Variants in NRXN1 observed in about 807,000 individuals in gnomAD.
NRXN1 encodes neurexin 1.
In NRXN1, 39 loss-of-function variants were observed where a neutral mutation model predicts 150.9. That is an observed-to-expected ratio of 0.26 (90% confidence interval 0.20 to 0.34). The LOEUF is 0.34. Ranked by LOEUF, NRXN1 falls within the 10% of genes least tolerant of loss-of-function variation. The probability of loss-of-function intolerance (pLI) is 1.00; values close to 1 mark genes in which losing one functional copy is unlikely to be tolerated. For missense variants in NRXN1, 1,815 were observed against 1,949.9 expected, an observed-to-expected ratio of 0.93 and a Z score of 1.30; for synonymous variants, 924 against 757.0, an observed-to-expected ratio of 1.22 and a Z score of -3.62.
chr2:50,903,581 C>G (rs1683249411), intron 5 of NRXN1, among the ~76,000 whole-genome samples: 1 of 152,058 alleles, frequency 6.6e-6, no homozygotes, highest in Admixed American at 6.6e-5. Flanking sequence ...CACAACATAC[C>G]TTATGGGCCT....
Position 50,553,005 on chromosome 2 carries a change from A to C in NRXN1, c.1341T>G (p.Asp447Glu), listed in dbSNP as rs762819336. The part of the protein sequence containing the change: ...CLKEVVYKNN[D>E]VRLELSRLAK... ...CAAGTCGAGATAATTCCAGCCTCAC[A>C]TCATTATTTTTATATACAACCTGTG... The change falls in exon 9 of 23, where the codon GAT becomes GAG. Residue 447 changes from aspartate to glutamate, a missense_variant. By Grantham distance (45) the Asp-to-Glu change is conservative. Transcript: ENST00000401669. 1 of 1,609,582 alleles carries C rather than the reference A, an allele frequency of 6.2e-7. No individual in the cohort carries two copies. Among genetic ancestry groups the C allele is most frequent in the Non-Finnish European group, 8.5e-7 (1 of 1,177,782 alleles).
At chr2:51,008,610 G>T (rs79016091) in intron 2 of NRXN1, among the ~76,000 whole-genome samples, 3 of 151,578 alleles carry the variant, frequency 2.0e-5, no homozygotes, top group Non-Finnish European at 4.4e-5. Flanking sequence ...TCTTGAAAAC[G>T]TATTTATTAA....
chr2:50,265,918 C>G (rs1203508174), intron 17 of NRXN1, among the ~76,000 whole-genome samples: 3 of 151,338 alleles, frequency 2.0e-5, no homozygotes, highest in African/African-American at 7.3e-5. Flanking sequence ...AACGGTCACA[C>G]AAAGATAGAG....
chr2:50,925,781 A>G (rs1476354840), intron 3 of NRXN1, among the ~76,000 whole-genome samples, 157 bp downstream of exon 3: 1 of 151,900 alleles, frequency 6.6e-6, no homozygotes, highest in African/African-American at 2.4e-5. Flanking sequence ...CAGGGTTGAG[A>G]ATGTATGTGT....
chr2:50,323,188 G>C (rs2076163011), intron 17 of NRXN1, among the ~76,000 whole-genome samples: 1 of 152,114 alleles, frequency 6.6e-6, no homozygotes, highest in Admixed American at 6.5e-5. Flanking sequence ...CATTATAATA[G>C]TAGCTCTAAA....
At chr2:50,222,775 T>C (rs1298509085) in intron 18 of NRXN1, among the ~76,000 whole-genome samples, 1 of 151,892 alleles carries the variant, frequency 6.6e-6, no homozygotes, top group Non-Finnish European at 1.5e-5. Flanking sequence ...CACATGATAA[T>C]ATTTCATCTT....
chr2:50,891,152 A>T (rs1680997130), intron 5 of NRXN1, among the ~76,000 whole-genome samples: 1 of 152,032 alleles, frequency 6.6e-6, no homozygotes, highest in African/African-American at 2.4e-5. Flanking sequence ...AGAAAATACT[A>T]GTGATTTATT....
intron 21 of NRXN1, among the ~76,000 whole-genome samples, chr2:50,003,186 C>A (rs1220634784): frequency 6.6e-6 from 1 of 152,070 alleles, no homozygotes; most frequent in East Asian, 1.9e-4. Context: ...TCCATATATA[C>A]CACTTCTGTC....
intron 17 of NRXN1, among the ~76,000 whole-genome samples, chr2:50,356,815 A>T (rs1300693154): frequency 5.9e-5 from 9 of 152,192 alleles, no homozygotes; most frequent in African/African-American, 2.2e-4. Context: ...AGCATATCTG[A>T]TGATTTTTTT....
At chr2:50,724,014 G>C (rs1045363506) in intron 5 of NRXN1, among the ~76,000 whole-genome samples, 9 of 152,152 alleles carry the variant, frequency 5.9e-5, no homozygotes, top group African/African-American at 1.9e-4. Context: ...TAGATGAATG[G>C]AGCATGCACA....
intron 15 of NRXN1, among the ~76,000 whole-genome samples, chr2:50,495,379 TGGTGTGTGTGTGTGTGTGTGTGTGTG>T (rs2091521150): frequency 3.7e-4 from 5 of 13,334 alleles, no homozygotes; most frequent in African/African-American, 7.7e-4. Context: ...TGTGTGTGTG[TGGTGTGTGTGTGTGTGTGTGTGTGTG>T]TGTGTGTGTG....
chr2:50,478,023 C>G (rs771263524), intron 15 of NRXN1, among the ~76,000 whole-genome samples: 1 of 152,010 alleles, frequency 6.6e-6, no homozygotes, highest in Non-Finnish European at 1.5e-5. Context: ...ACCTCTGTCC[C>G]CAAATTTGTA....
At chr2:50,918,555 C>T in intron 5 of NRXN1, 1 of 373,540 alleles carries the variant, frequency 2.7e-6, no homozygotes, top group Admixed American at 4.6e-5. Context: ...AGCTATTAAC[C>T]AGCTATTATG....
chr2:49,983,898 A>G (rs904551881), intron 21 of NRXN1, among the ~76,000 whole-genome samples: 3 of 152,154 alleles, frequency 2.0e-5, no homozygotes, highest in Admixed American at 1.3e-4. Context: ...AAGACTGGAC[A>G]CTGTGGCTCC....
intron 5 of NRXN1, among the ~76,000 whole-genome samples, chr2:50,812,774 T>C (rs928391665): frequency 1.4e-5 from 2 of 147,596 alleles, no homozygotes; most frequent in Non-Finnish European, 3.0e-5. Context: ...AATTTAGCTA[T>C]AAACTTTGAG....
intron 17 of NRXN1, among the ~76,000 whole-genome samples, chr2:50,464,654 C>T (rs1032963071): frequency 1.3e-5 from 2 of 151,914 alleles, no homozygotes; most frequent in African/African-American, 4.8e-5. Context: ...TTCTATTTTA[C>T]AACCAGGTCA....
chr2:50,939,844 T>A (rs774280423), intron 2 of NRXN1, among the ~76,000 whole-genome samples: 2 of 152,190 alleles, frequency 1.3e-5, no homozygotes, highest in African/African-American at 2.4e-5. Flanking sequence ...AGTGCGGATG[T>A]ACATTTAGAA....
chr2:50,042,973 A>G (rs988112512), intron 21 of NRXN1, among the ~76,000 whole-genome samples: 1 of 152,196 alleles, frequency 6.6e-6, no homozygotes, highest in African/African-American at 2.4e-5. Context: ...TCACAGGTAC[A>G]GTCGCAAAAC....
intron 17 of NRXN1, among the ~76,000 whole-genome samples, chr2:50,291,796 C>A (rs747818682): frequency 6.6e-6 from 1 of 152,106 alleles, no homozygotes; most frequent in Admixed American, 6.6e-5. Flanking sequence ...ATTCTAGCAC[C>A]CTGTTTCCTC....
Sources: gnomAD v4.1 joint callset for allele counts (sites outside exome capture counted in the v4.1 genomes callset) on GRCh38, gnomAD v4.1.1 for gene constraint, MANE v1.5 for transcripts, NCBI Gene and HGNC (gene_info 2026-07-23, HGNC 2026-07-21) for gene names.